TRAF2: variants seen among roughly 807,000 people sequenced by gnomAD.
TRAF2 encodes the protein TNF receptor-associated factor 2.
A neutral mutation model predicts 55.6 loss-of-function variants in TRAF2; 6 were observed. That is an observed-to-expected ratio of 0.11 (90% CI 0.06 to 0.21). The LOEUF (loss-of-function observed/expected upper bound fraction) is 0.21. TRAF2 is among the 10% of genes least tolerant of loss of function. The probability of loss-of-function intolerance (pLI) is 1.00; values close to 1 mark genes in which losing one functional copy is unlikely to be tolerated. For synonymous variants in TRAF2, 329 were observed against 276.3 expected (o/e 1.19, Z -1.89); for missense variants, 561 against 684.5 (o/e 0.82, Z 2.01).
At position 136,898,721 on chromosome 9, in the gene TRAF2, T is replaced by G; in HGVS notation, c.-20T>G. 6.2e-7 allele frequency: 1 copy of G among 1,612,942 alleles called. No individual in the cohort carries two copies. Reference sequence around the variant, plus strand: ...TGTGTGTTCTTCCTTAGGGCTTTGTTCGCGGGGGTCACAGCTCTCATGGCT... The same window carrying G: ...TGTGTGTTCTTCCTTAGGGCTTTGTGCGCGGGGGTCACAGCTCTCATGGCT... On this transcript the variant is annotated 5_prime_UTR_variant, in exon 2 of 11. Transcript: ENST00000247668.
At position 136,926,209 on chromosome 9, in the gene TRAF2, A is replaced by G; in HGVS notation, c.*308A>G. The G allele has an allele frequency of 4.0e-6, 2 of 503,490 alleles. No homozygotes were observed. The highest frequency in any genetic ancestry group is 2.7e-5 in the Admixed American group (1 of 37,384). 31.2% of individuals were successfully genotyped at this position (503,490 alleles called of 1,614,324 possible). A position where few individuals can be genotyped will look rare whatever the true frequency, so the allele number is the denominator to read the frequency against. On this transcript the variant is annotated 3_prime_UTR_variant, in exon 11 of 11. Transcript: ENST00000247668. ...TTGCTGTCCTGTGCAGTGAAGGGAG[A>G]GGCCCTGGGTGGGGGACACTCAGAG...
chr9:136,918,227 T>TATATATATATATA (rs1850286424), intron 7 of TRAF2, among the ~76,000 whole-genome samples: 1 of 68,080 alleles, frequency 1.5e-5, no homozygotes, highest in African/African-American at 8.0e-5. Context: ...AGTGTTTTGT[T>TATATATATATATA]TATATATATA....
intron 1 of TRAF2, among the ~76,000 whole-genome samples, chr9:136,888,779 A>T (rs776819316): frequency 7.2e-5 from 11 of 152,286 alleles, no homozygotes; most frequent in Non-Finnish European, 1.6e-4. Context: ...TGATGACTCC[A>T]GCTTAGTGAA....
At chr9:136,896,659 T>G (rs1476219254) in intron 1 of TRAF2, among the ~76,000 whole-genome samples, 1 of 152,104 alleles carries the variant, frequency 6.6e-6, no homozygotes, top group Admixed American at 6.6e-5. Context: ...CTTTTTTTTT[T>G]GAGTGGAGTC....
At chr9:136,887,710 A>G (rs983278325) in intron 1 of TRAF2, among the ~76,000 whole-genome samples, 6 of 152,202 alleles carry the variant, frequency 3.9e-5, no homozygotes, top group African/African-American at 1.4e-4. Flanking sequence ...AACTGAATGT[A>G]TTAATGGGTG....
At chr9:136,922,690 A>G (rs10283441) in intron 9 of TRAF2, among the ~76,000 whole-genome samples, 40,210 of 78,436 alleles carry the variant, frequency 0.51, 10,305 homozygotes, top group African/African-American at 0.66. Flanking sequence ...TGTGGAGGAC[A>G]GGGATGGGGA....
Position 136,926,115 on chromosome 9 carries a change from A to T in TRAF2, c.*214A>T. 1 of 752,656 alleles carries T rather than the reference A, an allele frequency of 1.3e-6. No homozygotes were observed. The highest frequency in any genetic ancestry group is 2.5e-5 in the East Asian group (1 of 39,488). 46.6% of individuals were successfully genotyped at this position (752,656 alleles called of 1,614,324 possible). On this transcript the variant is annotated 3_prime_UTR_variant, in exon 11 of 11. Coordinates refer to ENST00000247668, the MANE Select transcript of TRAF2 (RefSeq NM_021138.4). The stretch of plus-strand genomic sequence containing the variant: ...CAGAGACTGCGGAGGGGCTTGGCAG[A>T]CGGTCTTAGCCAAGGGCTGTGGTGG...
chr9:136,900,751 C>T (rs1035299763), intron 4 of TRAF2: 7 of 532,450 alleles, frequency 1.3e-5, no homozygotes, highest in East Asian at 3.7e-5. Context: ...TGACCTCGGG[C>T]GAGGTATTTA....
intron 10 of TRAF2, among the ~76,000 whole-genome samples, chr9:136,925,324 T>C (rs993314342): frequency 1.3e-5 from 2 of 152,362 alleles, no homozygotes; most frequent in East Asian, 1.9e-4. Context: ...CTTCATGATC[T>C]CTTTGGCAAG....
chr9:136,900,169 T>TA (rs758259445), intron 3 of TRAF2, among the ~76,000 whole-genome samples: 1,373 of 106,720 alleles, frequency 0.013, 22 homozygotes, highest in African/African-American at 0.031. Context: ...ACCCCTCCTT[T>TA]AAAAAAAAAA....
At position 136,916,705 on chromosome 9, in the gene TRAF2, A is replaced by G. The variant is rs531510694; in HGVS notation, c.678+90A>G. ...GCCCAGTGCTTCCTGGTTTCCTTCC[A>G]GCTGCTCCTCAGCCACCTCTGCAGC... On this transcript the variant is annotated intron_variant, in intron 7 of 10. Coordinates refer to ENST00000247668, the MANE Select transcript of TRAF2 (RefSeq NM_021138.4). 61 of 1,320,378 alleles carry G rather than the reference A, an allele frequency of 4.6e-5. 1 individual carries two copies. In the South Asian group the frequency reaches 6.9e-4, roughly 15 times the overall value. 81.8% of individuals were successfully genotyped at this position (1,320,378 alleles called of 1,614,324 possible).
upstream of TRAF2, among the ~76,000 whole-genome samples, chr9:136,882,932 G>A (rs1305339179): frequency 2.6e-5 from 4 of 152,226 alleles, no homozygotes; most frequent in African/African-American, 4.8e-5. Flanking sequence ...GTGCAGTGGC[G>A]CAATCCTGGC....
Position 136,898,818 on chromosome 9 carries a change from C to T in TRAF2, c.78C>T (p.Thr26=). 1 of 1,613,790 alleles carries T rather than the reference C, an allele frequency of 6.2e-7. No homozygotes were observed. Among genetic ancestry groups the T allele is most frequent in the East Asian group, 2.2e-5 (1 of 44,882 alleles). The part of the protein sequence containing the change: ...QPGFSKTLLG[T]KLEAKYLCSA... ...GCTTCTCCAAGACCCTCCTGGGGAC[C>T]AAGCTGGAAGCCAAGTACCTGTGCT... Residue 26 remains threonine, a synonymous_variant, in exon 2 of 11, where the codon ACC becomes ACT. Coordinates refer to ENST00000247668, the MANE Select transcript of TRAF2 (RefSeq NM_021138.4).
At chr9:136,914,732 AAGTTCTCTTTCT>A (rs1390967658) in intron 6 of TRAF2, among the ~76,000 whole-genome samples, 1 of 152,174 alleles carries the variant, frequency 6.6e-6, no homozygotes. Context: ...TGTGATGACG[AAGTTCTCTTTCT>A]AGTTCTCTTT....
intron 1 of TRAF2, among the ~76,000 whole-genome samples, chr9:136,891,323 T>C (rs1194267906): frequency 6.6e-6 from 1 of 151,852 alleles, no homozygotes; most frequent in Non-Finnish European, 1.5e-5. Context: ...TTGGCCAGCC[T>C]GGTCTTGAAC....
rs944830307 is a variant in TRAF2, at chr9:136,926,416, A to G, written c.*515A>G. On this transcript the variant is annotated 3_prime_UTR_variant, in exon 11 of 11. Coordinates refer to ENST00000247668, the MANE Select transcript of TRAF2 (RefSeq NM_021138.4). Reference sequence around the variant, plus strand: ...CCTGGAGAGAAGGGAGCATTCCTAGACCCCTGGGTGCTTGTCTGCACAGAG... The same window carrying G: ...CCTGGAGAGAAGGGAGCATTCCTAGGCCCCTGGGTGCTTGTCTGCACAGAG... 3.3e-5 allele frequency: 10 copies of G among 300,450 alleles called. No homozygotes were observed. Among genetic ancestry groups the G allele is most frequent in the Non-Finnish European group, 6.6e-5 (10 of 150,582 alleles). The allele number at this position is 300,450 out of a possible 1,614,324, so 18.6% of individuals were successfully genotyped here.
At chr9:136,906,170 T>A (rs967551779) in intron 4 of TRAF2, among the ~76,000 whole-genome samples, 1 of 152,134 alleles carries the variant, frequency 6.6e-6, no homozygotes, top group African/African-American at 2.4e-5. Flanking sequence ...TGGTGGTGCG[T>A]GCCTGTATTC....
At chr9:136,924,234 C>T (rs1320444183) in intron 10 of TRAF2, among the ~76,000 whole-genome samples, 4 of 152,186 alleles carry the variant, frequency 2.6e-5, no homozygotes, top group African/African-American at 7.2e-5. Flanking sequence ...GCTTCCTGAC[C>T]TGTCAGATAA....
chr9:136,925,956 G>A lies in TRAF2; in HGVS notation c.*55G>A. 1 of 1,601,540 alleles carries A rather than the reference G, an allele frequency of 6.2e-7. No individual in the cohort carries two copies. Among genetic ancestry groups the A allele is most frequent in the Non-Finnish European group, 8.5e-7 (1 of 1,171,196 alleles). ...GGCAGCCAGGCACAGCCGGCTCACG[G>A]AGGGGCCACCACGCTGGGCCAGGGT... On this transcript the variant is annotated 3_prime_UTR_variant, in exon 11 of 11. Coordinates refer to ENST00000247668, the MANE Select transcript of TRAF2 (RefSeq NM_021138.4).
Sources: gnomAD v4.1 joint callset for allele counts (sites outside exome capture counted in the v4.1 genomes callset) on GRCh38, gnomAD v4.1.1 for gene constraint, MANE v1.5 for transcripts, NCBI Gene and HGNC (gene_info 2026-07-23, HGNC 2026-07-21) for gene names.